Variants in TRAPPC9 observed in about 807,000 individuals in gnomAD.
TRAPPC9 encodes trafficking protein particle complex subunit 9.
In TRAPPC9, 83 loss-of-function variants were observed where a neutral mutation model predicts 124.0. That is an observed-to-expected ratio of 0.67 (90% CI 0.56 to 0.80). The LOEUF (loss-of-function observed/expected upper bound fraction) is 0.80. Among genes scored for constraint, TRAPPC9 ranks in the 30% least tolerant of loss-of-function variants. TRAPPC9 has a pLI of 0.00. For missense variants in TRAPPC9, 1,302 were observed against 1,508.3 expected (o/e 0.86, Z 2.27); for synonymous variants, 638 against 617.5 (o/e 1.03, Z -0.49).
chr8:139,889,498 T>A (rs1378972369), intron 20 of TRAPPC9, among the ~76,000 whole-genome samples: 4 of 151,970 alleles, frequency 2.6e-5, no homozygotes, highest in Non-Finnish European at 5.9e-5. Flanking sequence ...AGACAAGGAA[T>A]GGGAGGGAGT....
chr8:140,068,189 A>G (rs958219661), intron 17 of TRAPPC9, among the ~76,000 whole-genome samples: 4 of 152,130 alleles, frequency 2.6e-5, no homozygotes, highest in African/African-American at 9.7e-5. Context: ...ACCCAGTAAT[A>G]GAGCAGAGCT....
At chr8:140,221,396 C>T in intron 17 of TRAPPC9, 63 bp downstream of exon 17, 1 of 1,610,168 alleles carries the variant, frequency 6.2e-7, no homozygotes, top group Non-Finnish European at 8.5e-7. Context: ...AGCTGTGCTT[C>T]AGAAACGGCT....
intron 21 of TRAPPC9, among the ~76,000 whole-genome samples, chr8:139,806,863 C>T (rs762686195): frequency 2.6e-5 from 4 of 152,204 alleles, no homozygotes; most frequent in Non-Finnish European, 4.4e-5. Context: ...GGTGTGCACA[C>T]GCACGGGGGA....
At chr8:140,001,163 A>G (rs781211477) in intron 18 of TRAPPC9, among the ~76,000 whole-genome samples, 1 of 152,300 alleles carries the variant, frequency 6.6e-6, no homozygotes, top group South Asian at 2.1e-4. Context: ...GTTCTCACTC[A>G]TAGGTGGGAG....
intron 16 of TRAPPC9, among the ~76,000 whole-genome samples, chr8:140,232,342 G>C (rs1392918079): frequency 6.6e-6 from 1 of 152,010 alleles, no homozygotes; most frequent in Non-Finnish European, 1.5e-5. Context: ...GTAACTTCTT[G>C]GCCAAGATCT....
At chr8:140,115,037 G>C (rs1325916175) in intron 17 of TRAPPC9, among the ~76,000 whole-genome samples, 1 of 152,144 alleles carries the variant, frequency 6.6e-6, no homozygotes, top group East Asian at 1.9e-4. Flanking sequence ...AAGTAAAACT[G>C]CAGGTAATAA....
intron 17 of TRAPPC9, among the ~76,000 whole-genome samples, chr8:140,140,586 G>A (rs2061368490): frequency 1.3e-5 from 2 of 152,170 alleles, no homozygotes; most frequent in Admixed American, 1.3e-4. Context: ...GTGATTTAGA[G>A]AGAACAATTG....
At chr8:140,367,823 G>A (rs2068166577) in intron 8 of TRAPPC9, among the ~76,000 whole-genome samples, 1 of 152,198 alleles carries the variant, frequency 6.6e-6, no homozygotes. Flanking sequence ...CTGTGCGTCT[G>A]CAAGGGCAGG....
intron 17 of TRAPPC9, among the ~76,000 whole-genome samples, chr8:140,048,346 A>G (rs955624642): frequency 1.3e-5 from 2 of 152,192 alleles, no homozygotes; most frequent in African/African-American, 4.8e-5. Context: ...TGGCATAAAG[A>G]CAATCTTACT....
At chr8:140,235,121 G>A (rs1019606302) in intron 16 of TRAPPC9, among the ~76,000 whole-genome samples, 1 of 152,044 alleles carries the variant, frequency 6.6e-6, no homozygotes, top group Non-Finnish European at 1.5e-5. Context: ...ACAAGCGCCT[G>A]CCACCATGCC....
intron 17 of TRAPPC9, among the ~76,000 whole-genome samples, chr8:140,193,522 A>G (rs79167891): frequency 1.9e-4 from 28 of 150,874 alleles, no homozygotes; most frequent in African/African-American, 5.8e-4. Context: ...CATTTTTTAT[A>G]TCACTGGCAA....
At chr8:139,991,078 A>T (rs1327302648) in intron 18 of TRAPPC9, among the ~76,000 whole-genome samples, 3 of 152,242 alleles carry the variant, frequency 2.0e-5, no homozygotes, top group African/African-American at 4.8e-5. Flanking sequence ...CAGAAAAATG[A>T]GCTTCCGAGA....
Position 140,014,481 on chromosome 8 carries a change from CT to C in TRAPPC9, c.2699+9455del, listed in dbSNP as rs539072287. Among the ~76,000 whole-genome samples the C allele has an allele frequency of 6.0e-4, 92 of 152,174 alleles. No homozygotes were observed. In the South Asian group the frequency reaches 0.012, roughly 20 times the overall value. On this transcript the variant is annotated intron_variant, in intron 18 of 22. Coordinates refer to ENST00000438773, the MANE Select transcript of TRAPPC9 (RefSeq NM_001160372.4). ...GAGAATTCTACCTATCTATATTGGG[CT>C]TTGGCATTTAGAAAAAACTGCCCCC...
intron 18 of TRAPPC9, among the ~76,000 whole-genome samples, chr8:139,997,643 T>C (rs1554603693): frequency 3.4e-4 from 37 of 107,860 alleles, no homozygotes; most frequent in African/African-American, 1.1e-3. Flanking sequence ...GGGGAAACAA[T>C]GCATCCTACA....
At chr8:139,794,195 G>A (rs947787087) in intron 21 of TRAPPC9, among the ~76,000 whole-genome samples, 9 of 152,198 alleles carry the variant, frequency 5.9e-5, no homozygotes, top group Admixed American at 4.6e-4. Context: ...TGAGAGCAGA[G>A]GCCTGGCTCC....
intron 16 of TRAPPC9, among the ~76,000 whole-genome samples, chr8:140,229,456 G>T (rs2063539134): frequency 6.6e-6 from 1 of 151,574 alleles, no homozygotes. Context: ...AGTAGAGATG[G>T]GGTTTCTCCA....
At chr8:140,156,619 A>G (rs1205884211) in intron 17 of TRAPPC9, among the ~76,000 whole-genome samples, 2 of 152,230 alleles carry the variant, frequency 1.3e-5, no homozygotes, top group African/African-American at 4.8e-5. Flanking sequence ...GAACTGCTGA[A>G]GCAGTGGAGC....
At chr8:140,195,424 C>A (rs1043269581) in intron 17 of TRAPPC9, among the ~76,000 whole-genome samples, 7 of 152,012 alleles carry the variant, frequency 4.6e-5, no homozygotes, top group Non-Finnish European at 8.8e-5. Flanking sequence ...ATCTGTGACA[C>A]TAAAAAACAC....
intron 17 of TRAPPC9, among the ~76,000 whole-genome samples, chr8:140,218,017 CAA>C (rs34589290): frequency 0.43 from 60,204 of 139,350 alleles, 14,235 homozygotes; most frequent in Non-Finnish European, 0.56. Flanking sequence ...ACTCTGTCTC[CAA>C]AAAAAAAAAA....
Sources: allele counts gnomAD v4.1 joint callset (sites outside exome capture counted in the v4.1 genomes callset), GRCh38; gene constraint gnomAD v4.1.1; transcripts MANE v1.5; gene names NCBI Gene and HGNC (gene_info 2026-07-23, HGNC 2026-07-21).